ACSL5: variants seen among roughly 807,000 people sequenced by gnomAD.
ACSL5 encodes the protein long-chain-fatty-acid--CoA ligase 5.
ACSL5 carries 50 observed loss-of-function variants against 84.9 expected under a neutral mutation model. That is an observed-to-expected ratio of 0.59 (90% CI 0.47 to 0.75). The LOEUF (loss-of-function observed/expected upper bound fraction) is 0.75. ACSL5 is among the 30% of genes least tolerant of loss of function. ACSL5 has a pLI of 0.00. For synonymous variants in ACSL5, 280 were observed against 300.7 expected (o/e 0.93, Z 0.71); for missense variants, 775 against 830.4 (o/e 0.93, Z 0.82).
intron 1 of ACSL5, chr10:112,376,336 C>T (rs1589665682): frequency 1.2e-6 from 2 of 1,614,168 alleles, no homozygotes; most frequent in East Asian, 4.5e-5. Context: ...CACCCTGTCT[C>T]TGGAGGAACC....
At chr10:112,394,098 T>C (rs1271192428) in intron 1 of ACSL5, among the ~76,000 whole-genome samples, 2 of 152,180 alleles carry the variant, frequency 1.3e-5, no homozygotes, top group Non-Finnish European at 2.9e-5. Flanking sequence ...TCTCTCCTAT[T>C]AGAGTAGTTT....
At chr10:112,393,114 T>C (rs892501382) in intron 1 of ACSL5, among the ~76,000 whole-genome samples, 1 of 152,134 alleles carries the variant, frequency 6.6e-6, no homozygotes, top group African/African-American at 2.4e-5. Context: ...AGTTTTTGAA[T>C]GCTTTTGCCT....
chr10:112,403,348 C>A (rs893313836), intron 3 of ACSL5, among the ~76,000 whole-genome samples: 2 of 152,352 alleles, frequency 1.3e-5, no homozygotes, highest in East Asian at 3.9e-4. Context: ...AGTGCAATGG[C>A]ACGATCTCAA....
intron 14 of ACSL5, chr10:112,419,943 A>G (rs1213789501): frequency 2.0e-5 from 3 of 152,030 alleles, no homozygotes; most frequent in Non-Finnish European, 4.4e-5. Context: ...GGCCATGCAT[A>G]TTGTCTCAAT....
At chr10:112,412,362 C>A in intron 11 of ACSL5, 1 of 195,816 alleles carries the variant, frequency 5.1e-6, no homozygotes, top group Non-Finnish European at 1.1e-5. Flanking sequence ...AAGGAAGTTC[C>A]CTACAGAGGA....
At chr10:112,393,399 A>G (rs1429487108) in intron 1 of ACSL5, among the ~76,000 whole-genome samples, 1 of 152,200 alleles carries the variant, frequency 6.6e-6, no homozygotes, top group Non-Finnish European at 1.5e-5. Flanking sequence ...TAACTAATCG[A>G]GAGGCAGAAA....
chr10:112,421,042 A>G (rs997604157), intron 14 of ACSL5, among the ~76,000 whole-genome samples: 5 of 151,662 alleles, frequency 3.3e-5, no homozygotes, highest in African/African-American at 1.2e-4. Flanking sequence ...ATTTTCATAT[A>G]AAGTTCTATG....
chr10:112,405,038 A>T (rs1204063321), intron 5 of ACSL5, among the ~76,000 whole-genome samples: 1 of 152,174 alleles, frequency 6.6e-6, no homozygotes, highest in Non-Finnish European at 1.5e-5. Flanking sequence ...TTCTCAGCCT[A>T]TCATGTGTTT....
At chr10:112,387,540 G>A (rs1000873118) in intron 1 of ACSL5, among the ~76,000 whole-genome samples, 1 of 152,184 alleles carries the variant, frequency 6.6e-6, no homozygotes, top group Non-Finnish European at 1.5e-5. Context: ...TAGGAAAAAT[G>A]ATTTTAGAAG....
At chr10:112,422,058 T>G in intron 16 of ACSL5, 23 bp downstream of exon 16, 1 of 1,609,980 alleles carries the variant, frequency 6.2e-7, no homozygotes, top group South Asian at 1.1e-5. Context: ...TGCCCTGTGG[T>G]CAGACAGTCA....
intron 1 of ACSL5, among the ~76,000 whole-genome samples, chr10:112,387,506 C>T (rs1328877659): frequency 6.6e-6 from 1 of 152,106 alleles, no homozygotes; most frequent in East Asian, 1.9e-4. Flanking sequence ...AGAGAGGTTT[C>T]CTAGGTTGAG....
intron 1 of ACSL5, among the ~76,000 whole-genome samples, chr10:112,379,573 A>G (rs1443640380): frequency 6.6e-6 from 1 of 152,250 alleles, no homozygotes; most frequent in Admixed American, 6.5e-5. Context: ...AAGGGAAGGA[A>G]AGGGGAGCTA....
intron 3 of ACSL5, among the ~76,000 whole-genome samples, chr10:112,399,917 C>T (rs999928332): frequency 1.3e-5 from 2 of 152,198 alleles, no homozygotes; most frequent in Non-Finnish European, 2.9e-5. Flanking sequence ...TAGAAAATGT[C>T]AGAGCTGATA....
rs184612614 is a variant in ACSL5, at chr10:112,390,861, A to C, written c.-29-4057A>C. On this transcript the variant is annotated intron_variant, in intron 1 of 20. Coordinates refer to ENST00000354655, the MANE Select transcript of ACSL5 (RefSeq NM_203379.2). ...CATTTATATGAAATATTTAGAATAG[A>C]TAAATCCATAGCAACAGAAAGCAGC... Among the ~76,000 whole-genome samples the C allele has an allele frequency of 1.6e-3, 241 of 152,360 alleles. 1 individual carries two copies. Among genetic ancestry groups the C allele is most frequent in the African/African-American group, 5.6e-3 (234 of 41,584 alleles).
intron 12 of ACSL5, among the ~76,000 whole-genome samples, chr10:112,415,980 A>G (rs1844304697): frequency 6.6e-6 from 1 of 152,174 alleles, no homozygotes; most frequent in South Asian, 2.1e-4. Flanking sequence ...CAGGGAAATC[A>G]TGCGAGCTGG....
At chr10:112,422,229 A>G (rs1454832200) in intron 16 of ACSL5, 96 bp from the exon 17 acceptor site, 2 of 1,158,344 alleles carry the variant, frequency 1.7e-6, no homozygotes, top group Non-Finnish European at 2.5e-6. Context: ...AGTGGAAGCC[A>G]TCAAATGATT....
chr10:112,425,167 C>T (rs572912846), intron 17 of ACSL5, 171 bp from the exon 18 acceptor site: 9 of 539,062 alleles, frequency 1.7e-5, no homozygotes, highest in African/African-American at 5.9e-5. Flanking sequence ...TCTTGCTGCA[C>T]GATGCTTCCC....
chr10:112,376,445 C>G, intron 1 of ACSL5: 1 of 1,614,054 alleles, frequency 6.2e-7, no homozygotes, highest in African/African-American at 1.3e-5. Flanking sequence ...GGCCCCCTCG[C>G]AGGGTAAGGG....
intron 19 of ACSL5, 141 bp downstream of exon 19, chr10:112,426,500 G>T: frequency 1.5e-6 from 1 of 674,236 alleles, no homozygotes; most frequent in South Asian, 1.9e-5. Context: ...GGATAGGATG[G>T]AGAGTTTAAA....
Sources: allele counts gnomAD v4.1 joint callset (sites outside exome capture counted in the v4.1 genomes callset), GRCh38; gene constraint gnomAD v4.1.1; transcripts MANE v1.5; gene names NCBI Gene and HGNC (gene_info 2026-07-23, HGNC 2026-07-21).